The following PALM2AKAP2 variants were observed in gnomAD, a reference collection of about 807,000 sequenced individuals.
PALM2AKAP2 encodes the protein PALM2 and AKAP2 fusion.
Under a neutral mutation model 71.5 loss-of-function variants are expected in PALM2AKAP2, and 37 were observed. That is an observed-to-expected ratio of 0.52 (90% CI 0.40 to 0.68). The LOEUF (loss-of-function observed/expected upper bound fraction) is 0.68, where lower values mean the gene tolerates loss of function less well. PALM2AKAP2 is among the 30% of genes least tolerant of loss of function. PALM2AKAP2 has a pLI of 0.00. For missense variants in PALM2AKAP2, 1,224 were observed against 1,191.8 expected (o/e 1.03, Z -0.40); for synonymous variants, 468 against 478.8 (o/e 0.98, Z 0.29).
intron 1 of PALM2AKAP2, among the ~76,000 whole-genome samples, chr9:109,861,408 T>C (rs1829304796): frequency 6.6e-6 from 1 of 152,234 alleles, no homozygotes; most frequent in Admixed American, 6.5e-5. Flanking sequence ...ACGGGTGCTC[T>C]TTAACAATAG....
intron 1 of PALM2AKAP2, among the ~76,000 whole-genome samples, chr9:109,865,478 T>G (rs1281014532): frequency 6.6e-6 from 1 of 152,066 alleles, no homozygotes; most frequent in Non-Finnish European, 1.5e-5. Context: ...TGATCACCAA[T>G]GAGCCTGCTG....
intron 1 of PALM2AKAP2, among the ~76,000 whole-genome samples, chr9:109,757,811 G>C (rs1047121738): frequency 2.4e-4 from 36 of 151,910 alleles, no homozygotes; most frequent in Admixed American, 2.3e-3. Context: ...ATAGAAAAGG[G>C]ATAGATCCCA....
intron 1 of PALM2AKAP2, among the ~76,000 whole-genome samples, chr9:109,837,733 C>A (rs1011894735): frequency 1.3e-5 from 2 of 151,996 alleles, no homozygotes; most frequent in African/African-American, 4.8e-5. Context: ...GCAATCCTAG[C>A]CTCTGATAAA....
At chr9:109,743,301 G>A (rs1828744985) in intron 1 of PALM2AKAP2, among the ~76,000 whole-genome samples, 1 of 152,166 alleles carries the variant, frequency 6.6e-6, no homozygotes, top group Admixed American at 6.5e-5. Context: ...TACATGCTGG[G>A]ATTGTAGCTT....
chr9:109,867,903 T>C (rs1032409743), intron 2 of PALM2AKAP2, among the ~76,000 whole-genome samples: 2 of 152,204 alleles, frequency 1.3e-5, no homozygotes, highest in African/African-American at 4.8e-5. Context: ...GTTTCTCCCA[T>C]GCATAGGTGC....
chr9:109,654,605 G>T (rs932462192), intron 1 of PALM2AKAP2, among the ~76,000 whole-genome samples: 4 of 152,204 alleles, frequency 2.6e-5, no homozygotes, highest in Middle Eastern at 3.4e-3. Context: ...TGTACAATTT[G>T]CTTTCCTGTT....
intron 1 of PALM2AKAP2, among the ~76,000 whole-genome samples, chr9:109,653,595 G>A (rs903038778): frequency 7.9e-5 from 12 of 152,126 alleles, no homozygotes; most frequent in African/African-American, 2.4e-4. Flanking sequence ...CCACTGCAAT[G>A]TGCATATGAA....
chr9:109,652,137 A>T (rs1172560444), intron 1 of PALM2AKAP2, among the ~76,000 whole-genome samples: 2 of 152,208 alleles, frequency 1.3e-5, no homozygotes, highest in Non-Finnish European at 2.9e-5. Flanking sequence ...AGTTCTGAAT[A>T]AATGGGTTAT....
At chr9:109,972,148 T>G (rs1455840150) in intron 6 of PALM2AKAP2, among the ~76,000 whole-genome samples, 1 of 152,222 alleles carries the variant, frequency 6.6e-6, no homozygotes, top group East Asian at 1.9e-4. Flanking sequence ...ATAGCATTGG[T>G]GCTTCATGCA....
At chr9:110,007,880 AG>A (rs1487606717) in intron 6 of PALM2AKAP2, among the ~76,000 whole-genome samples, 2 of 152,216 alleles carry the variant, frequency 1.3e-5, no homozygotes, top group Non-Finnish European at 2.9e-5. Context: ...AGATCTAAAA[AG>A]GATATAATCT....
In PALM2AKAP2 at chr9:109,690,021, T is replaced by TTC. The variant is rs563296245; in HGVS notation, c.5+49155_5+49156insTC. 1.1e-3 allele frequency among the ~76,000 whole-genome samples: 167 copies of TTC among 151,890 alleles called. 1 individual carries two copies. The highest frequency in any genetic ancestry group is 3.8e-3 in the African/African-American group (157 of 41,452). On this transcript the variant is annotated intron_variant, in intron 1 of 6. Transcript: ENST00000374531. ...AATGGGGAAGAGTTTTTTTTTTTTT[T>TTC]CCTCTTAAACAATCAGGACTAACCC...
intron 7 of PALM2AKAP2, among the ~76,000 whole-genome samples, chr9:110,020,972 G>A (rs1300220981): frequency 2.6e-5 from 4 of 152,042 alleles, no homozygotes; most frequent in African/African-American, 9.7e-5. Context: ...TAGGCATGGT[G>A]GCACACGCCT....
At chr9:109,750,838 T>C (rs1828878552) in intron 1 of PALM2AKAP2, among the ~76,000 whole-genome samples, 1 of 152,222 alleles carries the variant, frequency 6.6e-6, no homozygotes, top group African/African-American at 2.4e-5. Context: ...AACCATGCCT[T>C]GGTCACTAAT....
chr9:109,782,831 G>A (rs1323061348), intron 1 of PALM2AKAP2, among the ~76,000 whole-genome samples: 1 of 151,584 alleles, frequency 6.6e-6, no homozygotes, highest in Non-Finnish European at 1.5e-5. Flanking sequence ...TGGGTGGGGG[G>A]ACTTATGGCC....
chr9:109,759,460 G>T (rs1829017559), intron 1 of PALM2AKAP2, among the ~76,000 whole-genome samples: 1 of 152,078 alleles, frequency 6.6e-6, no homozygotes, highest in Non-Finnish European at 1.5e-5. Context: ...TCCAGCAAAT[G>T]CATCCATCAT....
At chr9:109,789,652 A>C (rs115035845) in intron 1 of PALM2AKAP2, among the ~76,000 whole-genome samples, 2,363 of 152,234 alleles carry the variant, frequency 0.016, 66 homozygotes, top group African/African-American at 0.054. Flanking sequence ...GAACGTGGAG[A>C]CTGTAGGGGA....
intron 7 of PALM2AKAP2, among the ~76,000 whole-genome samples, chr9:110,031,392 TG>T (rs1267451448): frequency 8.5e-5 from 13 of 152,220 alleles, no homozygotes; most frequent in African/African-American, 2.9e-4. Flanking sequence ...AGCTTCCCAA[TG>T]TGCTGGGATT....
intron 6 of PALM2AKAP2, among the ~76,000 whole-genome samples, chr9:109,962,642 ATT>A (rs397894684): frequency 4.2e-5 from 6 of 142,890 alleles, no homozygotes; most frequent in Admixed American, 7.0e-5. Flanking sequence ...AACTGTGCCA[ATT>A]TTTTTTTTTT....
At chr9:109,716,901 G>GT (rs1471271014) in intron 1 of PALM2AKAP2, among the ~76,000 whole-genome samples, 1 of 152,082 alleles carries the variant, frequency 6.6e-6, no homozygotes, top group African/African-American at 2.4e-5. Flanking sequence ...GAAAAATGAG[G>GT]TTTTGGGGAA....
Sources: allele counts gnomAD v4.1 joint callset (sites outside exome capture counted in the v4.1 genomes callset), GRCh38; gene constraint gnomAD v4.1.1; transcripts MANE v1.5; gene names NCBI Gene and HGNC (gene_info 2026-07-23, HGNC 2026-07-21).